LETM2: variants seen among roughly 807,000 people sequenced by gnomAD.
LETM2 encodes the protein LETM1 domain-containing protein LETM2, mitochondrial.
A neutral mutation model predicts 59.6 loss-of-function variants in LETM2; 58 were observed. The observed-to-expected ratio is 0.97, with a 90% CI of 0.79 to 1.21. LETM2 has a LOEUF of 1.21. Ranked by LOEUF, LETM2 falls within the 50% of genes most tolerant of loss-of-function variation. LETM2 has a pLI of 0.00. For missense variants in LETM2, 572 were observed against 575.7 expected, an observed-to-expected ratio of 0.99 and a Z score of 0.07; for synonymous variants, 199 against 214.1, an observed-to-expected ratio of 0.93 and a Z score of 0.62.
rs1334494871 is a variant in LETM2 at position 38,408,278 on chromosome 8, A to G, written c.*4A>G. 6.7e-7 allele frequency: 1 copy of G among 1,486,730 alleles called. No individual in the cohort carries two copies. The highest frequency in any genetic ancestry group is 1.7e-5 in the Admixed American group (1 of 58,242). 92.1% of individuals were successfully genotyped at this position (1,486,730 alleles called of 1,614,324 possible). A position where few individuals can be genotyped will look rare whatever the true frequency, so the allele number is the denominator to read the frequency against. ...GGCTAGTTCAAAAGGAGCATAAAGGACTACTTGAGGATGGAGCTCACTCTC... is the reference window on the plus strand; with the variant it reads ...GGCTAGTTCAAAAGGAGCATAAAGGGCTACTTGAGGATGGAGCTCACTCTC... On this transcript the variant is annotated 3_prime_UTR_variant, in exon 11 of 11. Coordinates refer to ENST00000379957, the MANE Select transcript of LETM2 (RefSeq NM_001286819.2).
intron 4 of LETM2, among the ~76,000 whole-genome samples, chr8:38,396,327 C>T (rs1812689206): frequency 6.6e-6 from 1 of 151,974 alleles, no homozygotes. Context: ...CTACACCCAG[C>T]TAATTTTTGT....
At chr8:38,400,591 G>T in intron 5 of LETM2, 182 bp downstream of exon 5, 2 of 688,066 alleles carry the variant, frequency 2.9e-6, no homozygotes, top group Non-Finnish European at 4.6e-6. Context: ...AGAAAAGCCT[G>T]TCTTAAAGTA....
chr8:38,401,082 T>C, intron 6 of LETM2, 29 bp downstream of exon 6: 2 of 1,577,440 alleles, frequency 1.3e-6, no homozygotes, highest in Non-Finnish European at 1.7e-6. Context: ...CTCTAGGGAA[T>C]TAGCAAGGTT....
intron 4 of LETM2, among the ~76,000 whole-genome samples, chr8:38,395,907 A>G (rs1483928267): frequency 6.6e-6 from 1 of 152,182 alleles, no homozygotes; most frequent in East Asian, 1.9e-4. Context: ...TATCAGATAT[A>G]TATTTTGCAA....
Position 38,407,359 on chromosome 8 carries a change from A to T in LETM2, c.1312-3A>T, listed in dbSNP as rs549809263. On this transcript the variant is annotated splice_polypyrimidine_tract_variant and splice_region_variant and intron_variant, in intron 9 of 10. Transcript: ENST00000379957. ...AACCCAACTCTCAGTTCTGATGTTT[A>T]AGGATGAAGACTTTATACAGCCGCC... The T allele has an allele frequency of 6.3e-6, 10 of 1,599,116 alleles. 1 individual carries two copies. In the South Asian group the frequency reaches 1.1e-4, roughly 18 times the overall value.
intron 5 of LETM2, 107 bp downstream of exon 5, chr8:38,400,516 A>G: frequency 6.7e-6 from 7 of 1,043,720 alleles, no homozygotes; most frequent in Non-Finnish European, 9.7e-6. Context: ...GGAATTGCAA[A>G]TATCTAAATT....
At position 38,400,355 on chromosome 8, in the gene LETM2, G is replaced by C. The variant is rs1236914429; in HGVS notation, c.729G>C (p.Arg243Ser). Reference protein sequence around the residue: ...LQETMTEMARRNRAKMGDAST... With the variant: ...LQETMTEMARSNRAKMGDAST... ...AAACCATGACAGAAATGGCAAGGAGGAACAGAGCCAAGATGGGCGATGCCT... is the reference window on the plus strand; with the variant it reads ...AAACCATGACAGAAATGGCAAGGAGCAACAGAGCCAAGATGGGCGATGCCT... Residue 243 changes from arginine to serine, a missense_variant, in exon 5 of 11, where the codon AGG (arginine) becomes AGC (serine). Coordinates refer to ENST00000379957, the MANE Select transcript of LETM2 (RefSeq NM_001286819.2). 6.2e-7 allele frequency: 1 copy of C among 1,613,450 alleles called. No individual in the cohort carries two copies. The highest frequency in any genetic ancestry group is 8.5e-7 in the Non-Finnish European group (1 of 1,179,716).
intron 4 of LETM2, among the ~76,000 whole-genome samples, chr8:38,395,242 G>T (rs960936811): frequency 6.6e-6 from 1 of 152,192 alleles, no homozygotes; most frequent in Non-Finnish European, 1.5e-5. Context: ...AAATGCCTAG[G>T]AGAGTAATTG....
chr8:38,396,241 G>T (rs1007876761), intron 4 of LETM2, among the ~76,000 whole-genome samples: 1 of 151,286 alleles, frequency 6.6e-6, no homozygotes, highest in African/African-American at 2.4e-5. Context: ...TCGGCTCCCT[G>T]CAACCTCCAC....
rs769731386 is a variant in LETM2, at chr8:38,392,838, T to C, written c.344T>C (p.Ile115Thr). Residue 115 changes from isoleucine (I) to threonine (T), a missense_variant, in exon 3 of 11, where the codon ATT (isoleucine) becomes ACT (threonine). Physicochemically the swap from Ile to Thr is moderately conservative, Grantham distance 89. Transcript: ENST00000379957. ...PQATKETGME[I>T]KEGKQSYRQK... is the part of the protein sequence containing the mutation. Reference sequence around the variant, plus strand: ...GCCACAAAAGAAACTGGCATGGAGATTAAAGAAGGCAAACAATCTTATAGA... The same window carrying C: ...GCCACAAAAGAAACTGGCATGGAGACTAAAGAAGGCAAACAATCTTATAGA... The C allele has an allele frequency of 3.1e-6, 5 of 1,614,046 alleles. No individual in the cohort carries two copies. The Admixed American group carries it at 5.0e-5, about 16-fold the overall frequency.
upstream of LETM2, among the ~76,000 whole-genome samples, chr8:38,385,091 G>A (rs1811719126): frequency 6.6e-6 from 1 of 152,246 alleles, no homozygotes; most frequent in African/African-American, 2.4e-5. Context: ...CTGGTAAACA[G>A]AACGTGAAGT....
At chr8:38,384,971 T>G (rs1811714735), upstream of LETM2, among the ~76,000 whole-genome samples, 2 of 152,230 alleles carry the variant, frequency 1.3e-5, no homozygotes, top group Non-Finnish European at 2.9e-5. Context: ...AATGATTAAT[T>G]TATGAAATTA....
intron 2 of LETM2, among the ~76,000 whole-genome samples, chr8:38,392,089 G>A (rs548700459): frequency 3.3e-5 from 5 of 152,184 alleles, no homozygotes; most frequent in Non-Finnish European, 1.5e-5. Context: ...GGTATTATGT[G>A]ACTGGTTAAT....
intron 6 of LETM2, 130 bp downstream of exon 6, chr8:38,401,183 C>A: frequency 1.3e-6 from 1 of 753,562 alleles, no homozygotes; most frequent in Non-Finnish European, 2.1e-6. Context: ...GCTCTGTCAC[C>A]CAGGCTGCAG....
chr8:38,388,720 CA>C (rs113618665), intron 2 of LETM2, among the ~76,000 whole-genome samples: 61 of 133,900 alleles, frequency 4.6e-4, no homozygotes, highest in East Asian at 4.5e-4. Context: ...AAATCCATCT[CA>C]AAAAAAAAAA....
At chr8:38,402,914 A>C (rs1813360873) in intron 7 of LETM2, among the ~76,000 whole-genome samples, 1 of 152,188 alleles carries the variant, frequency 6.6e-6, no homozygotes, top group Non-Finnish European at 1.5e-5. Flanking sequence ...TCAGAAGTGC[A>C]CGCTGTGCTC....
rs1813955675 is a variant in LETM2 at position 38,408,828 on chromosome 8, CAG to C, written c.*556_*557del. 1 of 152,376 alleles carries C rather than the reference CAG, an allele frequency of 6.6e-6. No homozygotes were observed. The highest frequency in any genetic ancestry group is 2.4e-5 in the African/African-American group (1 of 41,458). The allele number at this position is 152,376 out of a possible 1,614,324, so 9.4% of individuals were successfully genotyped here. On this transcript the variant is annotated 3_prime_UTR_variant, in exon 11 of 11. Transcript: ENST00000379957. ...CTTCCTGGAGAAACAGACTGGCAAT[CAG>C]AAAGATTTGGCTGCTTCCGACACCT...
intron 10 of LETM2, 108 bp from the exon 11 acceptor site, chr8:38,408,104 T>C (rs1320415017): frequency 9.3e-6 from 7 of 755,492 alleles, no homozygotes; most frequent in Non-Finnish European, 1.5e-5. Flanking sequence ...TAATCTCAGA[T>C]TTGACTTTGT....
At chr8:38,404,590 A>G (rs1813557652) in intron 8 of LETM2, 84 bp downstream of exon 8, 1 of 850,574 alleles carries the variant, frequency 1.2e-6, no homozygotes. Context: ...TTGCAGTTAG[A>G]GCAGGCATTT....
Sources: allele counts gnomAD v4.1 joint callset (sites outside exome capture counted in the v4.1 genomes callset), GRCh38; gene constraint gnomAD v4.1.1; transcripts MANE v1.5; gene names NCBI Gene and HGNC (gene_info 2026-07-23, HGNC 2026-07-21).